PTPN14: variants seen among roughly 807,000 people sequenced by gnomAD.
The protein encoded by PTPN14 is protein tyrosine phosphatase non-receptor type 14.
A neutral mutation model predicts 126.8 loss-of-function variants in PTPN14; 53 were observed. The ratio of observed to expected loss-of-function variants is 0.42; its 90% confidence interval spans 0.34 to 0.53. The LOEUF (loss-of-function observed/expected upper bound fraction) is 0.53. Among genes scored for constraint, PTPN14 ranks in the 20% least tolerant of loss-of-function variants. The probability of loss-of-function intolerance (pLI) is 0.08; values close to 1 mark genes in which losing one functional copy is unlikely to be tolerated. For synonymous variants in PTPN14, 630 were observed against 599.3 expected, an observed-to-expected ratio of 1.05 and a Z score of -0.75; for missense variants, 1,257 against 1,552.9, an observed-to-expected ratio of 0.81 and a Z score of 3.20.
chr1:214,506,792 C>T (rs1378865529), intron 1 of PTPN14, among the ~76,000 whole-genome samples: 1 of 151,864 alleles, frequency 6.6e-6, no homozygotes, highest in Admixed American at 6.6e-5. Flanking sequence ...TTTTTCTTTG[C>T]TCCCTTTATT....
chr1:214,417,884 G>C (rs905012201), intron 3 of PTPN14, among the ~76,000 whole-genome samples: 1 of 152,070 alleles, frequency 6.6e-6, no homozygotes, highest in African/African-American at 2.4e-5. Flanking sequence ...AAACAGGAGA[G>C]AGCCATGTAA....
chr1:214,522,728 A>C (rs1443224485), intron 1 of PTPN14, among the ~76,000 whole-genome samples: 2 of 152,222 alleles, frequency 1.3e-5, no homozygotes, highest in Non-Finnish European at 2.9e-5. Context: ...GAAAATGAAG[A>C]CCACCAGAGG....
intron 1 of PTPN14, among the ~76,000 whole-genome samples, chr1:214,511,842 T>C (rs1654980902): frequency 6.6e-6 from 1 of 152,254 alleles, no homozygotes; most frequent in Non-Finnish European, 1.5e-5. Flanking sequence ...GAAATCCTGA[T>C]ACATGCTACA....
intron 2 of PTPN14, among the ~76,000 whole-genome samples, chr1:214,453,531 A>C (rs914753660): frequency 2.0e-5 from 3 of 152,086 alleles, no homozygotes; most frequent in Non-Finnish European, 4.4e-5. Context: ...AAATGAGATA[A>C]TGCCTGTCAA....
At chr1:214,417,744 T>C (rs1408907114) in intron 3 of PTPN14, among the ~76,000 whole-genome samples, 3 of 152,154 alleles carry the variant, frequency 2.0e-5, no homozygotes, top group African/African-American at 7.2e-5. Context: ...GCATGGGCTG[T>C]ATTACCACAG....
chr1:214,376,440 G>A lies in PTPN14; in HGVS notation c.2689-3C>T. ...AGTTTCTTCTTCAGGGTTCTGAACT[G>A]CAACAGAAATTGATCTTCAGCTCTC... On this transcript the variant is annotated splice_polypyrimidine_tract_variant and splice_region_variant and intron_variant, in intron 14 of 18. Transcript: ENST00000366956. 1 of 1,604,812 alleles carries A rather than the reference G, an allele frequency of 6.2e-7. No homozygotes were observed. The highest frequency in any genetic ancestry group is 2.2e-5 in the East Asian group (1 of 44,808).
chr1:214,351,228 C>G lies in PTPN14; in HGVS notation c.*6694G>C, dbSNP rs1277565637. 2.7e-5 allele frequency: 4 copies of G among 150,664 alleles called. No homozygotes were observed. Among genetic ancestry groups the G allele is most frequent in the Non-Finnish European group, 5.9e-5 (4 of 67,764 alleles). 9.3% of individuals were successfully genotyped at this position (150,664 alleles called of 1,614,324 possible). A position where few individuals can be genotyped will look rare whatever the true frequency, so the allele number is the denominator to read the frequency against. On this transcript the variant is annotated 3_prime_UTR_variant, in exon 19 of 19. Coordinates refer to ENST00000366956, the MANE Select transcript of PTPN14 (RefSeq NM_005401.5). ...GGTGTGGTGGTGCACGCCTATAATC[C>G]CAGCTACTTTGGAGGCTGCACTCCA...
At chr1:214,399,238 T>C (rs1658960797) in intron 7 of PTPN14, among the ~76,000 whole-genome samples, 1 of 152,142 alleles carries the variant, frequency 6.6e-6, no homozygotes, top group Non-Finnish European at 1.5e-5. Context: ...ATCACAGCAA[T>C]AAGGTGACCA....
At chr1:214,410,581 G>A (rs776068501) in intron 5 of PTPN14, among the ~76,000 whole-genome samples, 2 of 152,148 alleles carry the variant, frequency 1.3e-5, no homozygotes, top group African/African-American at 2.4e-5. Context: ...GTGAGCCACC[G>A]CGCCTGGCCA....
chr1:214,433,922 CCACA>C (rs1186419218), intron 3 of PTPN14, among the ~76,000 whole-genome samples: 87 of 123,706 alleles, frequency 7.0e-4, no homozygotes, highest in African/African-American at 2.2e-3. Context: ...GACATTATTT[CCACA>C]CACACACACA....
chr1:214,517,842 G>A (rs1214030971), intron 1 of PTPN14, among the ~76,000 whole-genome samples: 1 of 152,158 alleles, frequency 6.6e-6, no homozygotes, highest in African/African-American at 2.4e-5. Context: ...CTACTCTAGA[G>A]GCTAAGGTGG....
rs912381826 is a variant in PTPN14 at position 214,357,190 on chromosome 1, A to G, written c.*732T>C. On this transcript the variant is annotated 3_prime_UTR_variant, in exon 19 of 19. Transcript: ENST00000366956. ...CAGAGCCCAGGATAAGGGGTGGTCA[A>G]GAAAAGCACAACACAGAGCTTGTCT... 2 of 152,234 alleles carry G rather than the reference A, an allele frequency of 1.3e-5. No individual in the cohort carries two copies. The highest frequency in any genetic ancestry group is 2.9e-5 in the Non-Finnish European group (2 of 68,090). The allele number at this position is 152,234 out of a possible 1,614,324, so 9.4% of individuals were successfully genotyped here. A position where few individuals can be genotyped will look rare whatever the true frequency, so the allele number is the denominator to read the frequency against.
intron 1 of PTPN14, among the ~76,000 whole-genome samples, chr1:214,474,791 C>T (rs1283587594): frequency 6.6e-6 from 1 of 152,084 alleles, no homozygotes; most frequent in Admixed American, 6.6e-5. Flanking sequence ...TGAAAAAGCT[C>T]CCCTGGTTAT....
chr1:214,377,719 T>C (rs1658374992), intron 14 of PTPN14, among the ~76,000 whole-genome samples: 2 of 152,088 alleles, frequency 1.3e-5, no homozygotes, highest in Admixed American at 1.3e-4. Context: ...TGTTAGGGGC[T>C]GATGGTTTTA....
intron 18 of PTPN14, among the ~76,000 whole-genome samples, chr1:214,358,855 G>C (rs1657886671): frequency 6.6e-6 from 1 of 150,932 alleles, no homozygotes; most frequent in South Asian, 2.1e-4. Flanking sequence ...AAATACTCCT[G>C]CCTCAGCCTC....
intron 1 of PTPN14, among the ~76,000 whole-genome samples, chr1:214,494,796 G>A (rs969415230): frequency 2.6e-5 from 4 of 152,176 alleles, no homozygotes; most frequent in Admixed American, 2.6e-4. Flanking sequence ...GAGAGAAGGG[G>A]GAAGGGCAGT....
At chr1:214,460,524 AACACAC>A (rs10522279) in intron 2 of PTPN14, among the ~76,000 whole-genome samples, 13 of 132,668 alleles carry the variant, frequency 9.8e-5, no homozygotes, top group South Asian at 2.5e-4. Context: ...TGAAAATTCC[AACACAC>A]ACACACACAC....
chr1:214,524,265 A>G (rs1655334699), intron 1 of PTPN14, among the ~76,000 whole-genome samples: 1 of 152,172 alleles, frequency 6.6e-6, no homozygotes, highest in Non-Finnish European at 1.5e-5. Flanking sequence ...AAGAAAATCA[A>G]TTCCTCATTG....
chr1:214,406,272 G>A (rs188828809), intron 5 of PTPN14, among the ~76,000 whole-genome samples: 1 of 152,240 alleles, frequency 6.6e-6, no homozygotes, highest in East Asian at 1.9e-4. Context: ...GAGGCCAAGA[G>A]TTTGAGACCA....
Sources: gnomAD v4.1 joint callset for allele counts (sites outside exome capture counted in the v4.1 genomes callset) on GRCh38, gnomAD v4.1.1 for gene constraint, MANE v1.5 for transcripts, NCBI Gene and HGNC (gene_info 2026-07-23, HGNC 2026-07-21) for gene names.